The following IQCH variants were observed in gnomAD, a reference collection of about 807,000 sequenced individuals.
IQCH encodes IQ motif containing H.
Under a neutral mutation model 117.0 loss-of-function variants are expected in IQCH, and 98 were observed. That is an observed-to-expected ratio of 0.84 (90% confidence interval 0.71 to 0.99). The LOEUF (loss-of-function observed/expected upper bound fraction) is 0.99. IQCH is among the 50% of genes least tolerant of loss of function. The pLI is 0.00. For missense variants in IQCH, 1,102 were observed against 1,243.8 expected, an observed-to-expected ratio of 0.89 and a Z score of 1.72; for synonymous variants, 412 against 448.2, an observed-to-expected ratio of 0.92 and a Z score of 1.02.
At chr15:67,331,084 C>T (rs1257243247) in intron 4 of IQCH, among the ~76,000 whole-genome samples, 1 of 152,064 alleles carries the variant, frequency 6.6e-6, no homozygotes, top group Non-Finnish European at 1.5e-5. Flanking sequence ...ACAGAGCTAC[C>T]CAAGTATGCA....
chr15:67,338,241 A>ATCTG (rs757802552), intron 5 of IQCH, among the ~76,000 whole-genome samples: 13 of 150,818 alleles, frequency 8.6e-5, no homozygotes, highest in Non-Finnish European at 1.8e-4. Flanking sequence ...CTATCTATCT[A>ATCTG]TCTATCTGTC....
At chr15:67,281,616 C>G (rs1325987966) in intron 4 of IQCH, 1 of 445,890 alleles carries the variant, frequency 2.2e-6, no homozygotes, top group East Asian at 7.0e-5. Context: ...CAGACTCAAT[C>G]TCTCCCAGAT....
intron 4 of IQCH, among the ~76,000 whole-genome samples, chr15:67,332,436 A>C (rs1968705301): frequency 6.6e-6 from 1 of 152,208 alleles, no homozygotes; most frequent in Non-Finnish European, 1.5e-5. Context: ...ATGTAATTCA[A>C]GTATGACTTG....
At chr15:67,429,643 A>G (rs1418154688) in intron 16 of IQCH, among the ~76,000 whole-genome samples, 2 of 152,376 alleles carry the variant, frequency 1.3e-5, no homozygotes, top group Middle Eastern at 3.4e-3. Flanking sequence ...TCTTACTCAC[A>G]TACACACAGG....
intron 18 of IQCH, among the ~76,000 whole-genome samples, chr15:67,484,246 A>G (rs1954440841): frequency 6.6e-6 from 1 of 151,920 alleles, no homozygotes; most frequent in Admixed American, 6.6e-5. Context: ...TCTCCACAAA[A>G]AATACAAAAA....
intron 18 of IQCH, among the ~76,000 whole-genome samples, chr15:67,480,245 A>C (rs2083308470): frequency 6.6e-6 from 1 of 152,160 alleles, no homozygotes; most frequent in Non-Finnish European, 1.5e-5. Flanking sequence ...ACATAACGAA[A>C]CTGTATTTCC....
chr15:67,416,376 G>A lies in IQCH; in HGVS notation c.2098-555G>A, dbSNP rs2081577090. On this transcript the variant is annotated intron_variant, in intron 14 of 20. Coordinates refer to ENST00000335894, the MANE Select transcript of IQCH (RefSeq NM_001031715.3). This position sits in a 1 kb window ranked among gnomAD's most constrained non-coding sequence, Gnocchi z 5.1. ...CTACTAAAAATACAAAATTAGCCAG[G>A]TGTGGTGACGCATGCCTGTAGTCCC... Among the ~76,000 whole-genome samples the A allele has an allele frequency of 1.3e-5, 2 of 152,084 alleles. No individual in the cohort carries two copies. Among genetic ancestry groups the A allele is most frequent in the South Asian group, 2.1e-4 (1 of 4,826 alleles).
chr15:67,306,457 A>G (rs1967300027), intron 4 of IQCH, among the ~76,000 whole-genome samples: 1 of 152,116 alleles, frequency 6.6e-6, no homozygotes, highest in Non-Finnish European at 1.5e-5. Context: ...GTTACTTCTT[A>G]TGAAACTTGA....
rs1030912673 is a variant in IQCH at position 67,445,478 on chromosome 15, C to G, written c.2506-19649C>G. Among the ~76,000 whole-genome samples the G allele has an allele frequency of 6.6e-6, 1 of 152,062 alleles. No homozygotes were observed. Among genetic ancestry groups the G allele is most frequent in the Non-Finnish European group, 1.5e-5 (1 of 68,012 alleles). On this transcript the variant is annotated intron_variant, in intron 16 of 20. Transcript: ENST00000335894. The surrounding 1 kb of genome is among the most constrained non-coding windows in gnomAD (Gnocchi z 4.3). ...TTTTTGAGATGGAGTCTTGCTCTGT[C>G]GCCAGGCTGGATTGCAGTGGTGCAA...
chr15:67,399,070 C>T (rs935773355), intron 13 of IQCH, among the ~76,000 whole-genome samples: 2 of 152,126 alleles, frequency 1.3e-5, no homozygotes, highest in Non-Finnish European at 2.9e-5. Flanking sequence ...TCTCTTGCTC[C>T]TCTTCTGACT....
chr15:67,394,867 G>T (rs1971407485), intron 12 of IQCH, among the ~76,000 whole-genome samples: 1 of 152,094 alleles, frequency 6.6e-6, no homozygotes, highest in Non-Finnish European at 1.5e-5. Flanking sequence ...TTAAAGAGTT[G>T]CCGTGGTAGG....
chr15:67,400,082 T>G, intron 13 of IQCH, 32 bp from the exon 14 acceptor site: 2 of 1,584,526 alleles, frequency 1.3e-6, no homozygotes, highest in South Asian at 2.2e-5. Flanking sequence ...AAATGAACTG[T>G]ATTAAATGCA....
chr15:67,282,043 C>T (rs1944181977), intron 4 of IQCH: 1 of 193,098 alleles, frequency 5.2e-6, no homozygotes, highest in African/African-American at 2.3e-5. Context: ...CAGATCAGAT[C>T]CCTGACATCA....
At chr15:67,263,556 A>C (rs1160155136) in intron 3 of IQCH, among the ~76,000 whole-genome samples, 2 of 152,220 alleles carry the variant, frequency 1.3e-5, no homozygotes, top group African/African-American at 4.8e-5. Context: ...ATTTCTATTG[A>C]GTTCTAATGC....
At chr15:67,300,740 C>T (rs993849530) in intron 4 of IQCH, among the ~76,000 whole-genome samples, 1 of 152,140 alleles carries the variant, frequency 6.6e-6, no homozygotes, top group Non-Finnish European at 1.5e-5. Flanking sequence ...ATGGTCTACC[C>T]ATGTCTGGGG....
rs750789654 is a variant in IQCH at position 67,473,185 on chromosome 15, C to T, written c.2677-2511C>T. ...GGCAATTACCATGCAATTACATGCT[C>T]AGTAACCACAATGGAATTTGAGAGT... On this transcript the variant is annotated intron_variant, in intron 17 of 20. Transcript: ENST00000335894. The surrounding 1 kb of genome is among the most constrained non-coding windows in gnomAD (Gnocchi z 4.9). Among the ~76,000 whole-genome samples, 2 of 152,158 alleles carry T rather than the reference C, an allele frequency of 1.3e-5. No individual in the cohort carries two copies. The highest frequency in any genetic ancestry group is 2.9e-5 in the Non-Finnish European group (2 of 68,004).
At position 67,493,509 on chromosome 15, in the gene IQCH, T is replaced by G. The variant is rs1756142450; in HGVS notation, c.2862-749T>G. Among the ~76,000 whole-genome samples the G allele has an allele frequency of 1.3e-5, 2 of 152,208 alleles. No homozygotes were observed. Among genetic ancestry groups the G allele is most frequent in the African/African-American group, 4.8e-5 (2 of 41,436 alleles). On this transcript the variant is annotated intron_variant, in intron 19 of 20. Transcript: ENST00000335894. This position sits in a 1 kb window ranked among gnomAD's most constrained non-coding sequence, Gnocchi z 5.1. ...CTGAACATAGGCAGGACACTCTCATTAAGTGATAGGAATCACTTGTACCTG... is the reference window on the plus strand; with the variant it reads ...CTGAACATAGGCAGGACACTCTCATGAAGTGATAGGAATCACTTGTACCTG...
rs145795608 is a variant in IQCH at position 67,372,541 on chromosome 15, A to G, written c.1184A>G (p.Gln395Arg). 43 of 1,613,992 alleles carry G rather than the reference A, an allele frequency of 2.7e-5. No individual in the cohort carries two copies. Among genetic ancestry groups the G allele is most frequent in the Non-Finnish European group, 3.4e-5 (40 of 1,180,010 alleles). ...AAATTCTTCCTCTTTTATCGCCAGC[A>G]GAAGTGGGCATCAGGTGTGATTGCC... ...ARKFFLFYRQQKWASGVIAIA... is the reference protein window; with the variant it reads ...ARKFFLFYRQRKWASGVIAIA... Residue 395 changes from glutamine (Q) to arginine (R), a missense_variant, in exon 9 of 21, where the codon CAG (glutamine) becomes CGG (arginine). By Grantham distance (43) the Gln-to-Arg change is conservative. Around this residue, in one of 2 missense-constraint regions of IQCH, gnomAD observed 650 missense variants for 794.3 expected, o/e 0.82. Coordinates refer to ENST00000335894, the MANE Select transcript of IQCH (RefSeq NM_001031715.3).
At chr15:67,440,167 A>G (rs1278861587) in intron 16 of IQCH, among the ~76,000 whole-genome samples, 1 of 152,214 alleles carries the variant, frequency 6.6e-6, no homozygotes, top group Non-Finnish European at 1.5e-5. Context: ...AGCTTAAATC[A>G]GGAAGAATTA....
Sources: gnomAD v4.1 joint callset for allele counts (sites outside exome capture counted in the v4.1 genomes callset) on GRCh38, gnomAD v4.1.1 for gene constraint, gnomAD v4.1.1 regional missense constraint, Gnocchi (gnomAD v3.1) non-coding constraint, MANE v1.5 for transcripts, NCBI Gene and HGNC (gene_info 2026-07-23, HGNC 2026-07-21) for gene names.